The following UBE2G2 variants were observed in gnomAD, a reference collection of about 807,000 sequenced individuals.
UBE2G2 encodes ubiquitin-conjugating enzyme E2 G2.
Under a neutral mutation model 23.0 loss-of-function variants are expected in UBE2G2, and 10 were observed. The observed-to-expected ratio is 0.43, with a 90% CI of 0.27 to 0.74. UBE2G2 has a LOEUF of 0.74. UBE2G2 is among the 30% of genes least tolerant of loss of function. The pLI is 0.19. For synonymous variants in UBE2G2, 86 were observed against 81.3 expected (o/e 1.06, Z -0.31); for missense variants, 150 against 218.3 (o/e 0.69, Z 1.97).
intron 5 of UBE2G2, among the ~76,000 whole-genome samples, chr21:44,773,264 G>A (rs2082887712): frequency 6.6e-6 from 1 of 152,188 alleles, no homozygotes; most frequent in Non-Finnish European, 1.5e-5. Context: ...TCCAGTGTGT[G>A]GCATGTAGTG....
chr21:44,793,853 C>T (rs1197292092), intron 1 of UBE2G2, among the ~76,000 whole-genome samples: 4 of 152,168 alleles, frequency 2.6e-5, no homozygotes, highest in Admixed American at 2.0e-4. Context: ...CATTTCAGGA[C>T]TATTTGTAAA....
Position 44,772,336 on chromosome 21 carries a change from G to A in UBE2G2, c.386-847C>T, listed in dbSNP as rs948565163. Among the ~76,000 whole-genome samples, 18 of 151,972 alleles carry A rather than the reference G, an allele frequency of 1.2e-4. No individual in the cohort carries two copies. Among genetic ancestry groups the A allele is most frequent in the African/African-American group, 3.6e-4 (15 of 41,340 alleles). Reference sequence around the variant, plus strand: ...CTCAGCCCTCTCAGGATACACACTCGCGTCACAGGCCCTGACCTCACATCC... The same window carrying A: ...CTCAGCCCTCTCAGGATACACACTCACGTCACAGGCCCTGACCTCACATCC... On this transcript the variant is annotated intron_variant, in intron 5 of 5. Coordinates refer to ENST00000345496, the MANE Select transcript of UBE2G2 (RefSeq NM_003343.6). The surrounding 1 kb of genome is among the most constrained non-coding windows in gnomAD (Gnocchi z 5.4).
rs1210913559 is a variant in UBE2G2, at chr21:44,771,217, C to A, written c.*160G>T. ...TTAAGTCATCATTTCAGAAGAGAAG[C>A]CTGTTTGAAGTAGGAAAGGTTTGAA... On this transcript the variant is annotated 3_prime_UTR_variant, in exon 6 of 6. Coordinates refer to ENST00000345496, the MANE Select transcript of UBE2G2 (RefSeq NM_003343.6). This position sits in a 1 kb window ranked among gnomAD's most constrained non-coding sequence, Gnocchi z 4.6. 1 of 620,756 alleles carries A rather than the reference C, an allele frequency of 1.6e-6. No individual in the cohort carries two copies. The highest frequency in any genetic ancestry group is 2.8e-6 in the Non-Finnish European group (1 of 357,976). The allele number at this position is 620,756 out of a possible 1,614,324, so 38.5% of individuals were successfully genotyped here.
At position 44,768,753 on chromosome 21, in the gene UBE2G2, G is replaced by A. The variant is rs79329430; in HGVS notation, c.*2624C>T. ...AGTCGGAACAGCCTGCTGGCTTCTA[G>A]TGGTCAAATGTGCCACTCACACAAT... is the stretch of plus-strand genomic sequence containing the variant. On this transcript the variant is annotated 3_prime_UTR_variant, in exon 6 of 6. Transcript: ENST00000345496. The A allele has an allele frequency of 6.6e-6, 1 of 152,364 alleles. No individual in the cohort carries two copies. The highest frequency in any genetic ancestry group is 2.4e-5 in the African/African-American group (1 of 41,580). The allele number at this position is 152,364 out of a possible 1,614,324, so 9.4% of individuals were successfully genotyped here.
intron 3 of UBE2G2, among the ~76,000 whole-genome samples, chr21:44,780,044 T>C (rs116113701): frequency 0.014 from 2,184 of 152,354 alleles, 52 homozygotes; most frequent in African/African-American, 0.05. Flanking sequence ...GCTCAATACT[T>C]TGATAACAGT....
At chr21:44,787,452 G>A (rs1399218107) in intron 3 of UBE2G2, among the ~76,000 whole-genome samples, 1 of 152,188 alleles carries the variant, frequency 6.6e-6, no homozygotes, top group Non-Finnish European at 1.5e-5. Flanking sequence ...TACGAACTGG[G>A]AGGAAAGGAG....
At chr21:44,794,504 T>C (rs1175230975) in intron 1 of UBE2G2, among the ~76,000 whole-genome samples, 1 of 151,990 alleles carries the variant, frequency 6.6e-6, no homozygotes, top group Non-Finnish European at 1.5e-5. Flanking sequence ...AATAATTGAA[T>C]TTCATCGAAA....
At chr21:44,780,346 C>T (rs1196963881) in intron 3 of UBE2G2, among the ~76,000 whole-genome samples, 1 of 152,208 alleles carries the variant, frequency 6.6e-6, no homozygotes, top group African/African-American at 2.4e-5. Context: ...GTGGGAGACG[C>T]CACAGTGCTG....
chr21:44,801,335 C>A, intron 1 of UBE2G2: 2 of 1,077,546 alleles, frequency 1.9e-6, no homozygotes, highest in Non-Finnish European at 2.2e-6. Flanking sequence ...TACACTTTTC[C>A]CTCCTAATTC....
At chr21:44,784,505 A>G (rs2082980728) in intron 3 of UBE2G2, among the ~76,000 whole-genome samples, 1 of 152,242 alleles carries the variant, frequency 6.6e-6, no homozygotes, top group Admixed American at 6.5e-5. Context: ...GTGAGATTAC[A>G]TACAATACAA....
chr21:44,786,970 T>C (rs1555962127), intron 3 of UBE2G2, among the ~76,000 whole-genome samples: 1 of 151,852 alleles, frequency 6.6e-6, no homozygotes, highest in African/African-American at 2.4e-5. Flanking sequence ...TGGGTACCTG[T>C]AATCCCAGCT....
chr21:44,780,969 G>A (rs565482040), intron 3 of UBE2G2, among the ~76,000 whole-genome samples: 2 of 152,324 alleles, frequency 1.3e-5, no homozygotes, highest in East Asian at 3.9e-4. Flanking sequence ...CCTGAGCTTC[G>A]CCGGCAAGCG....
In UBE2G2 at chr21:44,772,149, G is replaced by T. The variant is rs573336640; in HGVS notation, c.386-660C>A. 6.6e-6 allele frequency among the ~76,000 whole-genome samples: 1 copy of T among 152,176 alleles called. No homozygotes were observed. The highest frequency in any genetic ancestry group is 1.5e-5 in the Non-Finnish European group (1 of 68,024). ...TGAGGCAGCAGCTGTGCAGTGCGGC[G>T]GTGGCGCTGCTCAGAATGCACGTGG... On this transcript the variant is annotated intron_variant, in intron 5 of 5. Transcript: ENST00000345496. This position sits in a 1 kb window ranked among gnomAD's most constrained non-coding sequence, Gnocchi z 5.4.
At position 44,769,377 on chromosome 21, in the gene UBE2G2, C is replaced by CT. The variant is rs2082853705; in HGVS notation, c.*1999_*2000insA. 1.8e-5 allele frequency: 2 copies of CT among 109,424 alleles called. No homozygotes were observed. The highest frequency in any genetic ancestry group is 6.9e-5 in the African/African-American group (2 of 28,862). 6.8% of individuals were successfully genotyped at this position (109,424 alleles called of 1,614,324 possible). On this transcript the variant is annotated 3_prime_UTR_variant, in exon 6 of 6. Coordinates refer to ENST00000345496, the MANE Select transcript of UBE2G2 (RefSeq NM_003343.6). ...AAATACGAGTTCTTGCCCTGCGTTC[C>CT]ATTTTTTTTTTTTTTTTTTTTGAGA...
At chr21:44,795,902 G>A (rs552421266) in intron 1 of UBE2G2, among the ~76,000 whole-genome samples, 9 of 152,348 alleles carry the variant, frequency 5.9e-5, no homozygotes, top group African/African-American at 2.2e-4. Context: ...CGAAGATGGA[G>A]GCAGAGATTA....
At chr21:44,788,480 G>A (rs1232910150) in intron 1 of UBE2G2, among the ~76,000 whole-genome samples, 1 of 151,800 alleles carries the variant, frequency 6.6e-6, no homozygotes, top group Non-Finnish European at 1.5e-5. Context: ...TAGTAGAGAC[G>A]GGGTTTCACC....
rs919693515 is a variant in UBE2G2, at chr21:44,801,716, G to C, written c.33C>G (p.Ala11=). Residue 11 remains alanine, a synonymous_variant, in exon 1 of 6, where the codon GCC becomes GCG. Coordinates refer to ENST00000345496, the MANE Select transcript of UBE2G2 (RefSeq NM_003343.6). MAGTALKRLM[A]EYKQLTLNPP... ...GGTCCCCAGACTCACGTTTGTACTCGGCCATCAGCCTCTTGAGCGCGGTCC... is the reference window on the plus strand; with the variant it reads ...GGTCCCCAGACTCACGTTTGTACTCCGCCATCAGCCTCTTGAGCGCGGTCC... 7 of 1,522,234 alleles carry C rather than the reference G, an allele frequency of 4.6e-6. 1 individual carries two copies. The Admixed American group carries it at 1.5e-4, about 32-fold the overall frequency. 94.3% of individuals were successfully genotyped at this position (1,522,234 alleles called of 1,614,324 possible). A position where few individuals can be genotyped will look rare whatever the true frequency, so the allele number is the denominator to read the frequency against.
At chr21:44,785,038 G>C (rs189742966) in intron 3 of UBE2G2, among the ~76,000 whole-genome samples, 1 of 152,120 alleles carries the variant, frequency 6.6e-6, no homozygotes, top group East Asian at 1.9e-4. Flanking sequence ...CTACACCCCC[G>C]TCACCGTGGC....
rs569369190 is a variant in UBE2G2, at chr21:44,768,600, C to A, written c.*2777G>T. ...GCAAATCACTGACACAGGAATCTGC[C>A]TCTTTATTGACATGCTAAGTAACAA... On this transcript the variant is annotated 3_prime_UTR_variant, in exon 6 of 6. Transcript: ENST00000345496. 6.6e-6 allele frequency: 1 copy of A among 152,376 alleles called. No individual in the cohort carries two copies. Among genetic ancestry groups the A allele is most frequent in the East Asian group, 1.9e-4 (1 of 5,188 alleles). 9.4% of individuals were successfully genotyped at this position (152,376 alleles called of 1,614,324 possible).
Sources: gnomAD v4.1 joint callset for allele counts (sites outside exome capture counted in the v4.1 genomes callset) on GRCh38, gnomAD v4.1.1 for gene constraint, Gnocchi (gnomAD v3.1) non-coding constraint, MANE v1.5 for transcripts, NCBI Gene and HGNC (gene_info 2026-07-23, HGNC 2026-07-21) for gene names.